Variants in FUT8 observed in about 807,000 individuals in gnomAD.
FUT8 encodes fucosyltransferase 8.
A neutral mutation model predicts 71.3 loss-of-function variants in FUT8; 29 were observed. That is an observed-to-expected ratio of 0.41 (90% CI 0.30 to 0.55). The LOEUF (loss-of-function observed/expected upper bound fraction) is 0.55. Among genes scored for constraint, FUT8 ranks in the 20% least tolerant of loss-of-function variants. The pLI is 0.34. For synonymous variants in FUT8, 254 were observed against 239.3 expected (o/e 1.06, Z -0.57); for missense variants, 544 against 702.1 (o/e 0.77, Z 2.55).
chr14:65,429,407 G>A (rs752487367), intron 1 of FUT8, among the ~76,000 whole-genome samples: 1 of 152,146 alleles, frequency 6.6e-6, no homozygotes, highest in Non-Finnish European at 1.5e-5. Context: ...TCATTACAGC[G>A]GCGTAAGAAA....
intron 1 of FUT8, among the ~76,000 whole-genome samples, chr14:65,426,430 G>A (rs1390357370): frequency 6.6e-6 from 1 of 151,558 alleles, no homozygotes; most frequent in African/African-American, 2.4e-5. Flanking sequence ...TGGCACAGGA[G>A]CCCTCATAAG....
At chr14:65,721,671 T>G in intron 7 of FUT8, 104 bp from the exon 8 acceptor site, 1 of 1,119,860 alleles carries the variant, frequency 8.9e-7, no homozygotes, top group Non-Finnish European at 1.3e-6. Flanking sequence ...TTATACTTCT[T>G]TAGAGTTGCT....
In FUT8 at chr14:65,467,968, G is replaced by A; in HGVS notation, c.-228+12250G>A. ...TTTTTCCGATCATTTTCCTTTACGT[G>A]TTTCAGGAAGCTATTTTGGCTCTTA... is the stretch of plus-strand genomic sequence containing the variant. On this transcript the variant is annotated intron_variant, in intron 2 of 10. Coordinates refer to ENST00000673929, the MANE Select transcript of FUT8 (RefSeq NM_001371533.1). The surrounding 1 kb of genome is among the most constrained non-coding windows in gnomAD (Gnocchi z 4.1). 1 of 709,948 alleles carries A rather than the reference G, an allele frequency of 1.4e-6. No homozygotes were observed. The highest frequency in any genetic ancestry group is 2.7e-5 in the East Asian group (1 of 37,200). The allele number at this position is 709,948 out of a possible 1,614,324, so 44.0% of individuals were successfully genotyped here.
chr14:65,563,858 G>GT (rs1566824457), intron 3 of FUT8, among the ~76,000 whole-genome samples: 2 of 151,970 alleles, frequency 1.3e-5, no homozygotes, highest in African/African-American at 4.8e-5. Flanking sequence ...ATTCTTATAT[G>GT]TTGAAATTAA....
chr14:65,451,420 T>C (rs532619620), intron 1 of FUT8, among the ~76,000 whole-genome samples: 4 of 152,350 alleles, frequency 2.6e-5, no homozygotes, highest in South Asian at 2.1e-4. Context: ...CCTGCGACTA[T>C]TGAAGCTCCA....
At chr14:65,677,151 TGC>T (rs1555383259) in intron 7 of FUT8, among the ~76,000 whole-genome samples, 2,602 of 110,636 alleles carry the variant, frequency 0.024, 57 homozygotes, top group South Asian at 0.037. Flanking sequence ...TGTGTGTGTG[TGC>T]GCGCGCGCAT....
intron 6 of FUT8, among the ~76,000 whole-genome samples, chr14:65,632,513 G>A (rs1049943821): frequency 1.3e-4 from 20 of 152,094 alleles, no homozygotes; most frequent in African/African-American, 4.6e-4. Context: ...TTGGCCATTT[G>A]TATATCGTCT....
chr14:65,467,975 G>A lies in FUT8; in HGVS notation c.-228+12257G>A. Reference sequence around the variant, plus strand: ...GATCATTTTCCTTTACGTGTTTCAGGAAGCTATTTTGGCTCTTAGAGTGCT... The same window carrying A: ...GATCATTTTCCTTTACGTGTTTCAGAAAGCTATTTTGGCTCTTAGAGTGCT... On this transcript the variant is annotated intron_variant, in intron 2 of 10. Transcript: ENST00000673929. The surrounding 1 kb of genome is among the most constrained non-coding windows in gnomAD (Gnocchi z 4.1). 1.4e-6 allele frequency: 1 copy of A among 706,078 alleles called. No individual in the cohort carries two copies. The highest frequency in any genetic ancestry group is 2.7e-6 in the Non-Finnish European group (1 of 376,972). 43.7% of individuals were successfully genotyped at this position (706,078 alleles called of 1,614,324 possible).
At chr14:65,616,967 C>G in intron 5 of FUT8, 1 of 1,146,356 alleles carries the variant, frequency 8.7e-7, no homozygotes, top group Non-Finnish European at 1.2e-6. Flanking sequence ...TTATCTTCCA[C>G]AGAAAAGAAA....
intron 2 of FUT8, among the ~76,000 whole-genome samples, chr14:65,539,655 A>G (rs1447564765): frequency 1.3e-5 from 2 of 152,218 alleles, no homozygotes; most frequent in Non-Finnish European, 1.5e-5. Flanking sequence ...AGTGTTTACT[A>G]TGTGCCAGAT....
chr14:65,537,473 C>T lies in FUT8; in HGVS notation c.-227-23864C>T, dbSNP rs144786305. Among the ~76,000 whole-genome samples, 651 of 152,152 alleles carry T rather than the reference C, an allele frequency of 4.3e-3. 17 individuals are homozygous for T. The East Asian group carries it at 0.075, about 18-fold the overall frequency. Reference sequence around the variant, plus strand: ...CGTGATCTCAGCTCACTGTAAGCTCCGCCTCCCAGGTTCACGCCTTTCTCC... The same window carrying T: ...CGTGATCTCAGCTCACTGTAAGCTCTGCCTCCCAGGTTCACGCCTTTCTCC... On this transcript the variant is annotated intron_variant, in intron 2 of 10. Transcript: ENST00000673929.
intron 3 of FUT8, among the ~76,000 whole-genome samples, chr14:65,569,627 T>G (rs1233207274): frequency 6.6e-6 from 1 of 151,972 alleles, no homozygotes; most frequent in Non-Finnish European, 1.5e-5. Context: ...TTTAATTTCT[T>G]AAATAGTTAT....
chr14:65,502,915 G>A (rs572383403), intron 2 of FUT8, among the ~76,000 whole-genome samples: 1 of 152,314 alleles, frequency 6.6e-6, no homozygotes, highest in East Asian at 1.9e-4. Flanking sequence ...AGCTCCCAGG[G>A]GAGGCTGGAG....
At chr14:65,560,164 C>G (rs192932232) in intron 2 of FUT8, among the ~76,000 whole-genome samples, 2 of 152,196 alleles carry the variant, frequency 1.3e-5, no homozygotes, top group Non-Finnish European at 2.9e-5. Flanking sequence ...GAAGCCTCTT[C>G]TCCATCTTTT....
In FUT8 at chr14:65,514,704, TA is replaced by T. The variant is rs199971362; in HGVS notation, c.-227-46630del. On this transcript the variant is annotated intron_variant, in intron 2 of 10. Coordinates refer to ENST00000673929, the MANE Select transcript of FUT8 (RefSeq NM_001371533.1). ...GTCAAATCACTTCTTTTTTTTTTTT[TA>T]AATTTATTTTTTTATGATACTTTAA... is the stretch of plus-strand genomic sequence containing the variant. 4.8e-3 allele frequency among the ~76,000 whole-genome samples: 729 copies of T among 151,692 alleles called. 3 individuals are homozygous for T. The highest frequency in any genetic ancestry group is 0.015 in the African/African-American group (615 of 41,346).
At chr14:65,700,381 GTTTTTTTT>G (rs763718984) in intron 7 of FUT8, among the ~76,000 whole-genome samples, 14 of 48,846 alleles carry the variant, frequency 2.9e-4, no homozygotes, top group African/African-American at 7.6e-4. Context: ...CTTTCTTTCT[GTTTTTTTT>G]TTTTTTTTTT....
chr14:65,602,104 T>G (rs534064295), intron 3 of FUT8, among the ~76,000 whole-genome samples: 1 of 151,758 alleles, frequency 6.6e-6, no homozygotes, highest in Admixed American at 6.6e-5. Context: ...GAACCCAATT[T>G]GTAGTGTTTT....
At position 65,486,048 on chromosome 14, in the gene FUT8, A is replaced by G. The variant is rs527568217; in HGVS notation, c.-228+30330A>G. ...GACCTCCATATATAGCATATTTTTA[A>G]CCCCATTATTTTCCATTTTTTAAAA... On this transcript the variant is annotated intron_variant, in intron 2 of 10. Coordinates refer to ENST00000673929, the MANE Select transcript of FUT8 (RefSeq NM_001371533.1). 3.3e-5 allele frequency among the ~76,000 whole-genome samples: 5 copies of G among 152,206 alleles called. No homozygotes were observed. In the East Asian group the frequency reaches 9.6e-4, roughly 29 times the overall value.
At chr14:65,442,903 C>A (rs2065683023) in intron 1 of FUT8, among the ~76,000 whole-genome samples, 1 of 151,386 alleles carries the variant, frequency 6.6e-6, no homozygotes, top group South Asian at 2.1e-4. Flanking sequence ...TAAAAGTGGT[C>A]ATCAGAAACA....
Sources: gnomAD v4.1 joint callset for allele counts (sites outside exome capture counted in the v4.1 genomes callset) on GRCh38, gnomAD v4.1.1 for gene constraint, Gnocchi (gnomAD v3.1) non-coding constraint, MANE v1.5 for transcripts, NCBI Gene and HGNC (gene_info 2026-07-23, HGNC 2026-07-21) for gene names.